The following ACR variants were observed in gnomAD, a reference collection of about 807,000 sequenced individuals.
ACR encodes the protein acrosin.
In ACR, 17 loss-of-function variants were observed where a neutral mutation model predicts 26.0. The ratio of observed to expected loss-of-function variants is 0.65; its 90% CI spans 0.45 to 0.98. The LOEUF is 0.98. Ranked by LOEUF, ACR falls within the 50% of genes least tolerant of loss-of-function variation. The pLI, the probability that ACR is intolerant of heterozygous loss-of-function variation, is 0.00. For missense variants in ACR, 435 were observed against 519.3 expected (o/e 0.84, Z 1.58); for synonymous variants, 199 against 207.7 (o/e 0.96, Z 0.36).
chr22:50,740,830 C>T (rs1356991105), intron 3 of ACR: 2 of 645,324 alleles, frequency 3.1e-6, no homozygotes, highest in African/African-American at 1.8e-5. Flanking sequence ...ACGGAGGGCC[C>T]CAGGTGTGAC....
chr22:50,740,247 C>T, intron 3 of ACR: 1 of 584,352 alleles, frequency 1.7e-6, no homozygotes, highest in South Asian at 1.9e-5. Flanking sequence ...CTGTATTTGG[C>T]ACCTGGGGCC....
intron 3 of ACR, among the ~76,000 whole-genome samples, chr22:50,742,964 G>C (rs2083431720): frequency 6.6e-6 from 1 of 152,002 alleles, no homozygotes; most frequent in African/African-American, 2.4e-5. Flanking sequence ...CCTTGAAAAG[G>C]AGCAACGCTG....
chr22:50,740,861 T>G (rs1226044686), intron 3 of ACR: 10 of 611,408 alleles, frequency 1.6e-5, no homozygotes, highest in Non-Finnish European at 2.7e-5. Context: ...TTGTCATTAC[T>G]GACTCCGTGG....
intron 4 of ACR, 124 bp from the exon 5 acceptor site, chr22:50,744,529 A>G: frequency 7.2e-7 from 1 of 1,394,162 alleles, no homozygotes. Context: ...TACTACAACC[A>G]CTTGTGTTTA....
chr22:50,741,365 C>T (rs1036518305), intron 3 of ACR, among the ~76,000 whole-genome samples: 30 of 151,888 alleles, frequency 2.0e-4, no homozygotes, highest in African/African-American at 6.8e-4. Flanking sequence ...CTGCCGATAC[C>T]CATGGCTCTG....
At position 50,744,787 on chromosome 22, in the gene ACR, G is replaced by A. The variant is rs1603447696; in HGVS notation, c.846G>A (p.Leu282=). Residue 282 remains leucine, a synonymous_variant, in exon 5 of 5, where the codon CTG becomes CTA. Transcript: ENST00000216139. ...TCTACACGGCCACCTGGCCCTATCTGAACTGGATCGCCTCCAAGATTGGTT... is the reference window on the plus strand; with the variant it reads ...TCTACACGGCCACCTGGCCCTATCTAAACTGGATCGCCTCCAAGATTGGTT... ...PGIYTATWPY[L]NWIASKIGSN... 3.1e-6 allele frequency: 5 copies of A among 1,610,504 alleles called. No homozygotes were observed. In the East Asian group the frequency reaches 1.1e-4, roughly 36 times the overall value.
chr22:50,743,666 G>A (rs1288576445), intron 3 of ACR: 1 of 216,804 alleles, frequency 4.6e-6, no homozygotes, highest in Non-Finnish European at 9.4e-6. Context: ...ACCTGGGTGG[G>A]CGGTGCTCCA....
At chr22:50,742,315 A>C (rs548388636) in intron 3 of ACR, among the ~76,000 whole-genome samples, 6 of 151,964 alleles carry the variant, frequency 3.9e-5, no homozygotes, top group African/African-American at 1.4e-4. Context: ...GAGGCCAAGG[A>C]GGGTGGATCA....
Position 50,739,522 on chromosome 22 carries a change from A to C in ACR, c.281+48A>C, listed in dbSNP as rs565587762. 8.1e-6 allele frequency: 13 copies of C among 1,606,926 alleles called. No homozygotes were observed. The East Asian group carries it at 8.9e-5, about 11-fold the overall frequency. ...GGAGGTCTTCAGAACGGCTCTTCTC[A>C]GAGAGGGGCGTTCCCCGGGGATGCT... On this transcript the variant is annotated intron_variant, in intron 2 of 4. Transcript: ENST00000216139. The surrounding 1 kb of genome is among the most constrained non-coding windows in gnomAD (Gnocchi z 5.5).
rs748013634 is a variant in ACR at position 50,739,982 on chromosome 22, G to A, written c.565+5G>A. On this transcript the variant is annotated splice_donor_5th_base_variant and intron_variant, in intron 3 of 4. Coordinates refer to ENST00000216139, the MANE Select transcript of ACR (RefSeq NM_001097.3). This position sits in a 1 kb window ranked among gnomAD's most constrained non-coding sequence, Gnocchi z 5.5. The stretch of plus-strand genomic sequence containing the variant: ...GGGGATATATAGAAGAGAAAGGTGA[G>A]TATGGGAGCGCCTCCAAGGGGGGAC... 2 of 1,613,238 alleles carry A rather than the reference G, an allele frequency of 1.2e-6. No individual in the cohort carries two copies. Among genetic ancestry groups the A allele is most frequent in the South Asian group, 1.1e-5 (1 of 91,062 alleles).
At position 50,739,986 on chromosome 22, in the gene ACR, G is replaced by A. The variant is rs113204118; in HGVS notation, c.565+9G>A. The A allele has an allele frequency of 7.7e-5, 125 of 1,613,120 alleles. 1 individual carries two copies. The African/African-American group carries it at 1.4e-3, about 18-fold the overall frequency. On this transcript the variant is annotated intron_variant, in intron 3 of 4. Coordinates refer to ENST00000216139, the MANE Select transcript of ACR (RefSeq NM_001097.3). This position sits in a 1 kb window ranked among gnomAD's most constrained non-coding sequence, Gnocchi z 5.5. Reference sequence around the variant, plus strand: ...ATATATAGAAGAGAAAGGTGAGTATGGGAGCGCCTCCAAGGGGGGACGCTG... The same window carrying A: ...ATATATAGAAGAGAAAGGTGAGTATAGGAGCGCCTCCAAGGGGGGACGCTG...
At position 50,744,718 on chromosome 22, in the gene ACR, C is replaced by T; in HGVS notation, c.777C>T (p.Ile259=). 6.2e-7 allele frequency: 1 copy of T among 1,613,442 alleles called. No homozygotes were observed. The highest frequency in any genetic ancestry group is 8.5e-7 in the Non-Finnish European group (1 of 1,179,790). The part of the protein sequence containing the change: ...SKESAYVVVG[I]TSWGVGCARA... Reference sequence around the variant, plus strand: ...AAAGCGCCTATGTGGTCGTGGGAATCACAAGCTGGGGGGTAGGCTGTGCCC... The same window carrying T: ...AAAGCGCCTATGTGGTCGTGGGAATTACAAGCTGGGGGGTAGGCTGTGCCC... Residue 259 remains isoleucine (I), a synonymous_variant, in exon 5 of 5, where the codon ATC becomes ATT. Transcript: ENST00000216139.
rs1029429705 is a variant in ACR, at chr22:50,744,769, G to T, written c.828G>T (p.Thr276=). 6.2e-7 allele frequency: 1 copy of T among 1,611,490 alleles called. No individual in the cohort carries two copies. The highest frequency in any genetic ancestry group is 1.3e-5 in the African/African-American group (1 of 74,654). ...CARAKRPGIY[T]ATWPYLNWIA... Reference sequence around the variant, plus strand: ...GTGCCAAGCGCCCCGGAATCTACACGGCCACCTGGCCCTATCTGAACTGGA... The same window carrying T: ...GTGCCAAGCGCCCCGGAATCTACACTGCCACCTGGCCCTATCTGAACTGGA... Residue 276 remains threonine (T), a synonymous_variant, in exon 5 of 5, where the codon ACG becomes ACT. Transcript: ENST00000216139.
At chr22:50,743,130 G>C (rs2083433108) in intron 3 of ACR, among the ~76,000 whole-genome samples, 2 of 150,866 alleles carry the variant, frequency 1.3e-5, no homozygotes, top group Admixed American at 6.6e-5. Context: ...CCGCCTCCCG[G>C]GTTCACGCCA....
At chr22:50,738,789 TCTC>T (rs2083410422) in intron 1 of ACR, among the ~76,000 whole-genome samples, 1 of 151,684 alleles carries the variant, frequency 6.6e-6, no homozygotes, top group Admixed American at 6.6e-5. Flanking sequence ...CCTCCACTGC[TCTC>T]AGTGTGCCCC....
chr22:50,739,008 C>T lies in ACR; in HGVS notation c.78-263C>T, dbSNP rs1352506981. Among the ~76,000 whole-genome samples, 1 of 152,332 alleles carries T rather than the reference C, an allele frequency of 6.6e-6. No homozygotes were observed. The highest frequency in any genetic ancestry group is 1.9e-4 in the East Asian group (1 of 5,182). On this transcript the variant is annotated intron_variant, in intron 1 of 4. Coordinates refer to ENST00000216139, the MANE Select transcript of ACR (RefSeq NM_001097.3). The surrounding 1 kb of genome is among the most constrained non-coding windows in gnomAD (Gnocchi z 5.5). ...CCCAGGGACGGGCCATCCCTCAGGG[C>T]CCATGCAGCCTGTCCTGGCTTCCTA...
chr22:50,738,204 A>G lies in ACR; in HGVS notation c.-32A>G. ...GGCAGCCACGGAGCTTTGTGAGGTC[A>G]CTAGGCTTGCAGGCCAGGCAGTGCC... On this transcript the variant is annotated 5_prime_UTR_variant, in exon 1 of 5. Transcript: ENST00000216139. 6.2e-7 allele frequency: 1 copy of G among 1,612,186 alleles called. No homozygotes were observed. Among genetic ancestry groups the G allele is most frequent in the Non-Finnish European group, 8.5e-7 (1 of 1,178,270 alleles).
chr22:50,741,746 T>C (rs192232940), intron 3 of ACR, among the ~76,000 whole-genome samples: 3,995 of 151,336 alleles, frequency 0.026, 61 homozygotes, highest in Non-Finnish European at 0.041. Flanking sequence ...CTTCAACTCA[T>C]CTGCTTTGGG....
intron 3 of ACR, chr22:50,740,712 C>T (rs1314948560): frequency 1.4e-6 from 1 of 702,532 alleles, no homozygotes; most frequent in Admixed American, 2.0e-5. Flanking sequence ...GTCTCTCTCT[C>T]CCCTGGCTCC....
Sources: allele counts gnomAD v4.1 joint callset (sites outside exome capture counted in the v4.1 genomes callset), GRCh38; gene constraint gnomAD v4.1.1; non-coding constraint Gnocchi (gnomAD v3.1); transcripts MANE v1.5; gene names NCBI Gene and HGNC (gene_info 2026-07-23, HGNC 2026-07-21).